The following ITSN1 variants were observed in gnomAD, a reference collection of about 807,000 sequenced individuals.
ITSN1 encodes the protein intersectin-1.
Under a neutral mutation model 239.8 loss-of-function variants are expected in ITSN1, and 58 were observed. The observed-to-expected ratio is 0.24, with a 90% CI of 0.20 to 0.30. The LOEUF (loss-of-function observed/expected upper bound fraction) is 0.30, where lower values mean the gene tolerates loss of function less well. ITSN1 is among the 10% of genes least tolerant of loss of function. The probability of loss-of-function intolerance (pLI) is 1.00; values close to 1 mark genes in which losing one functional copy is unlikely to be tolerated. For missense variants in ITSN1, 1,558 were observed against 2,103.3 expected, an observed-to-expected ratio of 0.74 and a Z score of 5.07; for synonymous variants, 780 against 770.8, an observed-to-expected ratio of 1.01 and a Z score of -0.20.
In ITSN1 at chr21:33,888,175, C is replaced by T. The variant is rs1248501456; in HGVS notation, c.5041C>T (p.Arg1681Cys). The part of the protein sequence containing the change: ...PDDFLGRTEI[R>C]VADIKKDQGS... Reference sequence around the variant, plus strand: ...AGATTTTTTGGGTCGGACGGAGATCCGTGTGGCGGACATCAAGAAAGACCA... The same window carrying T: ...AGATTTTTTGGGTCGGACGGAGATCTGTGTGGCGGACATCAAGAAAGACCA... The change falls in exon 40 of 40, where the codon CGT (arginine) becomes TGT (cysteine). Residue 1681 changes from arginine to cysteine, a missense_variant. Physicochemically the swap from Arg to Cys is radical, Grantham distance 180. Coordinates refer to ENST00000381318, the MANE Select transcript of ITSN1 (RefSeq NM_003024.3). 3 of 1,614,002 alleles carry T rather than the reference C, an allele frequency of 1.9e-6. No homozygotes were observed. Among genetic ancestry groups the T allele is most frequent in the South Asian group, 1.1e-5 (1 of 91,056 alleles).
chr21:33,860,315 G>GAAAAA (rs537916792), intron 31 of ITSN1, among the ~76,000 whole-genome samples: 1 of 70,300 alleles, frequency 1.4e-5, no homozygotes, highest in Non-Finnish European at 3.0e-5. Context: ...CTCAAAAAAA[G>GAAAAA]AAAAAAAAAA....
intron 19 of ITSN1, among the ~76,000 whole-genome samples, chr21:33,800,533 A>G (rs1310094927): frequency 2.0e-5 from 3 of 152,140 alleles, no homozygotes; most frequent in African/African-American, 7.2e-5. Context: ...TTATGTAAAA[A>G]GAGTAATGAA....
intron 28 of ITSN1, among the ~76,000 whole-genome samples, chr21:33,835,792 G>A (rs546446988): frequency 6.6e-5 from 10 of 152,244 alleles, no homozygotes; most frequent in South Asian, 6.2e-4. Flanking sequence ...TTAGCCAGGC[G>A]TAGTGGTGCA....
chr21:33,853,102 G>A (rs111595705), intron 29 of ITSN1, among the ~76,000 whole-genome samples: 499 of 152,274 alleles, frequency 3.3e-3, no homozygotes, highest in Non-Finnish European at 5.7e-3. Context: ...CAATTTGATG[G>A]CTAAAAAGAT....
At chr21:33,712,189 T>TC (rs985098857) in intron 1 of ITSN1, among the ~76,000 whole-genome samples, 37 of 144,374 alleles carry the variant, frequency 2.6e-4, no homozygotes, top group Non-Finnish European at 5.0e-4. Context: ...TTGATTGCAA[T>TC]TTTTTTTTTT....
chr21:33,832,125 C>T (rs2074329438), intron 27 of ITSN1, among the ~76,000 whole-genome samples: 1 of 152,180 alleles, frequency 6.6e-6, no homozygotes, highest in African/African-American at 2.4e-5. Flanking sequence ...GGCGTCTCCA[C>T]TCCAGCCTCT....
At chr21:33,837,560 ATC>A in intron 29 of ITSN1, 1 of 985,884 alleles carries the variant, frequency 1.0e-6, no homozygotes, top group African/African-American at 1.7e-5. Flanking sequence ...GGAGTTCAGT[ATC>A]TCTGTTTTAA....
At chr21:33,747,777 A>T (rs140740092) in intron 5 of ITSN1, among the ~76,000 whole-genome samples, 149 of 152,354 alleles carry the variant, frequency 9.8e-4, no homozygotes, top group African/African-American at 3.3e-3. Context: ...TTTCAAATAA[A>T]CAAAGACTGA....
chr21:33,828,478 CT>C (rs1169562341), intron 26 of ITSN1, among the ~76,000 whole-genome samples: 2 of 152,252 alleles, frequency 1.3e-5, no homozygotes, highest in Non-Finnish European at 2.9e-5. Flanking sequence ...TGGCCGACCC[CT>C]GATAGCATGC....
At chr21:33,842,152 C>T (rs2074845887) in intron 29 of ITSN1, among the ~76,000 whole-genome samples, 1 of 151,964 alleles carries the variant, frequency 6.6e-6, no homozygotes, top group African/African-American at 2.4e-5. Flanking sequence ...GCCTCGGCCT[C>T]CCAAAGTGCT....
intron 1 of ITSN1, among the ~76,000 whole-genome samples, chr21:33,681,648 T>TTTATC (rs1176050144): frequency 6.9e-6 from 1 of 145,788 alleles, no homozygotes; most frequent in Non-Finnish European, 1.5e-5. Flanking sequence ...TTTATTTTAT[T>TTTATC]TTATTTTATT....
At chr21:33,723,900 A>T (rs1401300483) in intron 4 of ITSN1, among the ~76,000 whole-genome samples, 1 of 152,220 alleles carries the variant, frequency 6.6e-6, no homozygotes, top group African/African-American at 2.4e-5. Flanking sequence ...CCAGCTAACT[A>T]CTTTGTCCTC....
intron 27 of ITSN1, among the ~76,000 whole-genome samples, chr21:33,831,448 C>A (rs999433224): frequency 3.3e-5 from 5 of 152,176 alleles, no homozygotes; most frequent in Admixed American, 3.3e-4. Flanking sequence ...ACTGACTTAC[C>A]CAATCTGCTG....
chr21:33,713,638 A>G (rs2092480369), intron 1 of ITSN1, among the ~76,000 whole-genome samples: 1 of 152,134 alleles, frequency 6.6e-6, no homozygotes, highest in South Asian at 2.1e-4. Flanking sequence ...ACCTTAAGCC[A>G]AGATGTCATC....
intron 14 of ITSN1, among the ~76,000 whole-genome samples, chr21:33,779,901 G>T (rs1007359498): frequency 1.3e-5 from 2 of 151,368 alleles, no homozygotes; most frequent in African/African-American, 2.4e-5. Context: ...GTGCGATCTC[G>T]GCTCACTGCA....
chr21:33,682,660 T>A (rs1457409877), intron 1 of ITSN1, among the ~76,000 whole-genome samples: 2 of 152,164 alleles, frequency 1.3e-5, no homozygotes, highest in African/African-American at 2.4e-5. Context: ...TCCCAGTAGC[T>A]GGCACTACAG....
At chr21:33,669,486 C>T (rs1339980483) in intron 1 of ITSN1, among the ~76,000 whole-genome samples, 1 of 150,500 alleles carries the variant, frequency 6.6e-6, no homozygotes, top group Non-Finnish European at 1.5e-5. Flanking sequence ...GTCACCCAGG[C>T]TGGAGTGTCG....
chr21:33,865,436 T>A lies in ITSN1; in HGVS notation c.4074+102T>A. On this transcript the variant is annotated intron_variant, in intron 32 of 39. Transcript: ENST00000381318. This position sits in a 1 kb window ranked among gnomAD's most constrained non-coding sequence, Gnocchi z 4.4. ...CAAAAGTCTGCAAGAGTGTTCCCAC[T>A]AGAGGCCAACAGGGCCTAGGGTCTT... 2.0e-6 allele frequency: 2 copies of A among 985,864 alleles called. No individual in the cohort carries two copies. The highest frequency in any genetic ancestry group is 2.9e-6 in the Non-Finnish European group (2 of 686,462). The allele number at this position is 985,864 out of a possible 1,614,324, so 61.1% of individuals were successfully genotyped here. A position where few individuals can be genotyped will look rare whatever the true frequency, so the allele number is the denominator to read the frequency against.
rs370697945 is a variant in ITSN1, at chr21:33,881,945, C to CAAAA, written c.4342-283_4342-280dup. On this transcript the variant is annotated intron_variant, in intron 34 of 39. Transcript: ENST00000381318. ...TGGGCAACATAGTGAGACCCTGTCT[C>CAAAA]AAAAAAAAAAAAAAAAAAGAAAAGA... Among the ~76,000 whole-genome samples the CAAAA allele has an allele frequency of 6.8e-5, 6 of 88,418 alleles. 1 individual carries two copies. The highest frequency in any genetic ancestry group is 1.3e-4 in the Non-Finnish European group (6 of 44,772). The allele number at this position is 88,418 out of a possible 152,430, so 58.0% of individuals were successfully genotyped here.
Sources: gnomAD v4.1 joint callset for allele counts (sites outside exome capture counted in the v4.1 genomes callset) on GRCh38, gnomAD v4.1.1 for gene constraint, Gnocchi (gnomAD v3.1) non-coding constraint, MANE v1.5 for transcripts, NCBI Gene and HGNC (gene_info 2026-07-23, HGNC 2026-07-21) for gene names.